ABI3BP: variants seen among roughly 807,000 people sequenced by gnomAD.
ABI3BP encodes the protein ABI family member 3 binding protein.
A neutral mutation model predicts 268.6 loss-of-function variants in ABI3BP; 216 were observed. The observed-to-expected ratio is 0.80, with a 90% CI of 0.72 to 0.90. The LOEUF (loss-of-function observed/expected upper bound fraction) is 0.90. ABI3BP is among the 40% of genes least tolerant of loss of function. The probability of loss-of-function intolerance (pLI) is 0.00; values close to 1 mark genes in which losing one functional copy is unlikely to be tolerated. For missense variants in ABI3BP, 2,090 were observed against 2,182.4 expected (o/e 0.96, Z 0.84); for synonymous variants, 730 against 730.0 (o/e 1.00, Z 0.00).
chr3:100,918,228 GT>G (rs936135672), intron 2 of ABI3BP, among the ~76,000 whole-genome samples: 2 of 151,562 alleles, frequency 1.3e-5, no homozygotes, highest in Non-Finnish European at 2.9e-5. Context: ...ACCCACAGCT[GT>G]TTCAGACTTT....
At chr3:100,981,826 C>A (rs2089629728) in intron 1 of ABI3BP, among the ~76,000 whole-genome samples, 2 of 152,162 alleles carry the variant, frequency 1.3e-5, no homozygotes, top group African/African-American at 4.8e-5. Flanking sequence ...GGCTCAGACA[C>A]TCTAGACTTT....
At chr3:100,780,040 A>G (rs1397945670) in intron 58 of ABI3BP, 92 bp downstream of exon 58, 18 of 1,130,926 alleles carry the variant, frequency 1.6e-5, no homozygotes, top group Non-Finnish European at 2.4e-5. Context: ...GGCTGTGTGG[A>G]TGTTGCTGTT....
intron 1 of ABI3BP, among the ~76,000 whole-genome samples, chr3:100,934,452 T>G (rs2065105950): frequency 6.6e-6 from 1 of 151,342 alleles, no homozygotes; most frequent in Non-Finnish European, 1.5e-5. Flanking sequence ...TATGTGTGTA[T>G]GTGTCTTTAT....
chr3:100,862,563 G>A (rs2099009924), intron 13 of ABI3BP, 178 bp from the exon 14 acceptor site: 1 of 590,788 alleles, frequency 1.7e-6, no homozygotes, highest in African/African-American at 1.9e-5. Flanking sequence ...GAGAACATTT[G>A]ATTAGTGGTC....
At chr3:100,950,639 A>G (rs2074528936) in intron 1 of ABI3BP, among the ~76,000 whole-genome samples, 1 of 152,074 alleles carries the variant, frequency 6.6e-6, no homozygotes, top group Non-Finnish European at 1.5e-5. Context: ...ATGATATTAT[A>G]TAAGGTGTAG....
chr3:100,984,845 T>G (rs2091094271), intron 1 of ABI3BP, among the ~76,000 whole-genome samples: 2 of 152,152 alleles, frequency 1.3e-5, no homozygotes, highest in South Asian at 4.1e-4. Context: ...AAGAGAAGAC[T>G]GTACACTAGA....
At position 100,754,595 on chromosome 3, in the gene ABI3BP, A is replaced by G. The variant is rs6774614; in HGVS notation, c.4930+17T>C. On this transcript the variant is annotated intron_variant, in intron 64 of 67. Coordinates refer to ENST00000471714, the MANE Select transcript of ABI3BP (RefSeq NM_001375547.2). Reference sequence around the variant, plus strand: ...CCCTTTTACATCCTTTTTGGGAATTACTGTTGATGTAATTACCTGATTCAG... The same window carrying G: ...CCCTTTTACATCCTTTTTGGGAATTGCTGTTGATGTAATTACCTGATTCAG... 2.6e-3 allele frequency: 4,045 copies of G among 1,565,428 alleles called. 98 individuals carry two copies. In the African/African-American group the frequency reaches 0.049, roughly 19 times the overall value.
chr3:100,841,176 TA>T (rs1217644419), intron 21 of ABI3BP, among the ~76,000 whole-genome samples: 1 of 139,426 alleles, frequency 7.2e-6, no homozygotes, highest in Non-Finnish European at 1.5e-5. Context: ...GGTAATTGGC[TA>T]AGATGGCATT....
At chr3:100,862,199 T>G (rs1426877226) in intron 14 of ABI3BP, 112 bp downstream of exon 14, 2 of 759,892 alleles carry the variant, frequency 2.6e-6, no homozygotes, top group Non-Finnish European at 4.2e-6. Flanking sequence ...GTATGATAGA[T>G]TTTCCATTTA....
In ABI3BP at chr3:100,778,211, C is replaced by T. The variant is rs367784394; in HGVS notation, c.4333+73G>A. On this transcript the variant is annotated intron_variant, in intron 59 of 67. Coordinates refer to ENST00000471714, the MANE Select transcript of ABI3BP (RefSeq NM_001375547.2). ...ATCAATAGTGTGCCTGTTGCTAGCA[C>T]GCCAAGAAGAGCTTATGTTGGCTAG... The T allele has an allele frequency of 4.5e-5, 65 of 1,441,568 alleles. 1 individual carries two copies. The highest frequency in any genetic ancestry group is 1.5e-4 in the African/African-American group (11 of 71,292). The allele number at this position is 1,441,568 out of a possible 1,614,324, so 89.3% of individuals were successfully genotyped here.
intron 1 of ABI3BP, among the ~76,000 whole-genome samples, chr3:100,953,349 A>T (rs1194563849): frequency 6.6e-6 from 1 of 152,162 alleles, no homozygotes; most frequent in African/African-American, 2.4e-5. Flanking sequence ...TGCTCACAGA[A>T]TCAAGGTCAG....
At chr3:100,852,559 A>T (rs79506834) in intron 14 of ABI3BP, among the ~76,000 whole-genome samples, 2,939 of 152,278 alleles carry the variant, frequency 0.019, 123 homozygotes, top group East Asian at 0.15. Flanking sequence ...TAGCATGAAC[A>T]CATCTGCCAG....
chr3:100,906,073 C>G (rs1035297856), intron 2 of ABI3BP, among the ~76,000 whole-genome samples: 20 of 152,210 alleles, frequency 1.3e-4, no homozygotes, highest in South Asian at 2.1e-4. Flanking sequence ...AACAAAACCC[C>G]TAGTTTTCCT....
At chr3:100,882,457 TA>T (rs1352902417) in intron 6 of ABI3BP, among the ~76,000 whole-genome samples, 1 of 146,460 alleles carries the variant, frequency 6.8e-6, no homozygotes, top group African/African-American at 2.5e-5. Context: ...TATATATATA[TA>T]TATTTTTTTT....
chr3:100,795,721 T>C, intron 53 of ABI3BP, 83 bp downstream of exon 53: 1 of 1,028,114 alleles, frequency 9.7e-7, no homozygotes, highest in Non-Finnish European at 1.3e-6. Context: ...AGAAATGATG[T>C]TTCAACAGGA....
At chr3:100,809,160 G>A (rs1233759919) in intron 49 of ABI3BP, among the ~76,000 whole-genome samples, 1 of 152,024 alleles carries the variant, frequency 6.6e-6, no homozygotes, top group African/African-American at 2.4e-5. Context: ...GATATATGTT[G>A]GAGATGACCT....
At chr3:100,867,322 A>G (rs902530000) in intron 9 of ABI3BP, among the ~76,000 whole-genome samples, 4 of 152,120 alleles carry the variant, frequency 2.6e-5, no homozygotes, top group Non-Finnish European at 4.4e-5. Flanking sequence ...ATATTCAAGT[A>G]CTGCCAATTT....
rs2042417302 is a variant in ABI3BP, at chr3:100,887,289, A to C, written c.462-966T>G. On this transcript the variant is annotated intron_variant, in intron 4 of 67. Transcript: ENST00000471714. ...AGTGAATGGGAGAACTACATGTATC[A>C]ATGTGGATAGATTTTAGAAACAAAA... Among the ~76,000 whole-genome samples the C allele has an allele frequency of 2.0e-5, 3 of 152,050 alleles. No individual in the cohort carries two copies. In the South Asian group the frequency reaches 6.2e-4, roughly 31 times the overall value.
chr3:100,811,914 G>T, intron 46 of ABI3BP, 115 bp from the exon 47 acceptor site: 1 of 760,620 alleles, frequency 1.3e-6, no homozygotes, highest in Non-Finnish European at 2.1e-6. Flanking sequence ...ATATATTCTT[G>T]AGAATAATTA....
Sources: gnomAD v4.1 joint callset for allele counts (sites outside exome capture counted in the v4.1 genomes callset) on GRCh38, gnomAD v4.1.1 for gene constraint, MANE v1.5 for transcripts, NCBI Gene and HGNC (gene_info 2026-07-23, HGNC 2026-07-21) for gene names.